Variants in MACROD2 observed in about 807,000 individuals in gnomAD.
MACROD2 encodes the protein mono-ADP ribosylhydrolase 2.
A neutral mutation model predicts 70.4 loss-of-function variants in MACROD2; 36 were observed. That is an observed-to-expected ratio of 0.51 (90% confidence interval 0.39 to 0.68). The LOEUF (loss-of-function observed/expected upper bound fraction) is 0.68, where lower values mean the gene tolerates loss of function less well. Among genes scored for constraint, MACROD2 ranks in the 30% least tolerant of loss-of-function variants. MACROD2 has a pLI of 0.00. For missense variants in MACROD2, 496 were observed against 538.4 expected (o/e 0.92, Z 0.78); for synonymous variants, 172 against 178.8 (o/e 0.96, Z 0.30).
chr20:14,191,303 A>G (rs988592529), intron 3 of MACROD2, among the ~76,000 whole-genome samples: 1 of 152,122 alleles, frequency 6.6e-6, no homozygotes, highest in Non-Finnish European at 1.5e-5. Flanking sequence ...TATCCAACAG[A>G]TTGATTCCAG....
chr20:14,328,819 C>T (rs1186812091), intron 3 of MACROD2: 1 of 152,098 alleles, frequency 6.6e-6, no homozygotes, highest in Non-Finnish European at 1.5e-5. Context: ...AGAAACAATT[C>T]TGCTTCCTGT....
intron 7 of MACROD2, among the ~76,000 whole-genome samples, chr20:15,483,991 T>G (rs886086007): frequency 6.6e-6 from 1 of 152,010 alleles, no homozygotes. Flanking sequence ...TAGACAATCA[T>G]GTCATCTATG....
chr20:15,354,435 G>A (rs1391466377), intron 6 of MACROD2, among the ~76,000 whole-genome samples: 1 of 152,074 alleles, frequency 6.6e-6, no homozygotes, highest in Non-Finnish European at 1.5e-5. Flanking sequence ...CACCAACATG[G>A]CACATGTATA....
chr20:15,586,312 T>C (rs1395030016), intron 8 of MACROD2, among the ~76,000 whole-genome samples: 1 of 152,216 alleles, frequency 6.6e-6, no homozygotes, highest in Non-Finnish European at 1.5e-5. Flanking sequence ...TCCCAAGTGA[T>C]GCTAATACTG....
intron 15 of MACROD2, among the ~76,000 whole-genome samples, chr20:16,034,907 G>A (rs904235632): frequency 2.0e-5 from 3 of 150,984 alleles, no homozygotes; most frequent in East Asian, 1.9e-4. Context: ...GAGAACATAC[G>A]ATCTTTGGTT....
chr20:14,028,116 G>A (rs929120678), intron 2 of MACROD2, among the ~76,000 whole-genome samples: 1 of 152,242 alleles, frequency 6.6e-6, no homozygotes, highest in Non-Finnish European at 1.5e-5. Flanking sequence ...CCTGCCCAGA[G>A]AGGAGGAATC....
intron 4 of MACROD2, among the ~76,000 whole-genome samples, chr20:14,664,451 T>C (rs1488619617): frequency 6.6e-6 from 1 of 152,130 alleles, no homozygotes; most frequent in African/African-American, 2.4e-5. Flanking sequence ...ATAATAACCA[T>C]TGGTTGCTTT....
intron 3 of MACROD2, among the ~76,000 whole-genome samples, chr20:14,393,701 A>G (rs1350941290): frequency 6.6e-6 from 1 of 152,144 alleles, no homozygotes; most frequent in Non-Finnish European, 1.5e-5. Context: ...ATCATGGCTT[A>G]GTCTCATTAT....
intron 10 of MACROD2, among the ~76,000 whole-genome samples, chr20:15,892,291 A>G (rs755417888): frequency 6.6e-6 from 1 of 152,168 alleles, no homozygotes; most frequent in Non-Finnish European, 1.5e-5. Context: ...ATTAACACCT[A>G]ATGAAGTGTT....
intron 8 of MACROD2, among the ~76,000 whole-genome samples, chr20:15,755,010 C>A (rs1329066956): frequency 6.6e-6 from 1 of 152,044 alleles, no homozygotes; most frequent in African/African-American, 2.4e-5. Flanking sequence ...AGGTGTGTAC[C>A]ACCACAGCCA....
intron 8 of MACROD2, among the ~76,000 whole-genome samples, chr20:15,592,937 A>G (rs1278397751): frequency 1.3e-5 from 2 of 152,144 alleles, no homozygotes; most frequent in African/African-American, 2.4e-5. Flanking sequence ...GGTGCACTTC[A>G]ATCTCGGTAG....
At chr20:15,610,989 A>ATTTTTTTTTTTT (rs1600665066) in intron 8 of MACROD2, among the ~76,000 whole-genome samples, 1 of 79,876 alleles carries the variant, frequency 1.3e-5, no homozygotes, top group African/African-American at 6.1e-5. Context: ...TTAGCCAAAA[A>ATTTTTTTTTTTT]TCTTTTTTTT....
intron 3 of MACROD2, among the ~76,000 whole-genome samples, chr20:14,391,214 A>T (rs1361107721): frequency 2.0e-5 from 3 of 152,242 alleles, no homozygotes; most frequent in Non-Finnish European, 4.4e-5. Flanking sequence ...AAAGACATGG[A>T]ATCAATCTAA....
chr20:16,035,130 T>A lies in MACROD2; in HGVS notation c.1154-6071T>A, dbSNP rs1294796368. ...ATATATAAAATATAATATAAAATAT[T>A]ATATATTATATATTATATATAAAAT... On this transcript the variant is annotated intron_variant, in intron 15 of 17. Transcript: ENST00000684519. 0.038 allele frequency among the ~76,000 whole-genome samples: 91 copies of A among 2,426 alleles called. 6 individuals are homozygous for A. In the East Asian group the frequency reaches 0.49, roughly 13 times the overall value. The allele number at this position is 2,426 out of a possible 152,430, so 1.6% of individuals were successfully genotyped here. A position where few individuals can be genotyped will look rare whatever the true frequency, so the allele number is the denominator to read the frequency against.
intron 6 of MACROD2, among the ~76,000 whole-genome samples, chr20:15,360,898 G>A (rs6043233): frequency 0.44 from 66,758 of 150,492 alleles, 14,874 homozygotes; most frequent in Non-Finnish European, 0.48. Flanking sequence ...CCATTTTCTA[G>A]TTGGACCATT....
intron 5 of MACROD2, among the ~76,000 whole-genome samples, chr20:14,991,714 A>T (rs897164299): frequency 6.6e-6 from 1 of 152,222 alleles, no homozygotes; most frequent in African/African-American, 2.4e-5. Flanking sequence ...TTGGGGGAAG[A>T]TGAAAGGGTA....
intron 5 of MACROD2, among the ~76,000 whole-genome samples, chr20:14,915,036 G>T (rs1257552597): frequency 6.6e-6 from 1 of 152,236 alleles, no homozygotes; most frequent in Non-Finnish European, 1.5e-5. Flanking sequence ...AGGCACACAT[G>T]GTTGGATTAA....
At chr20:15,527,888 A>G (rs2146540816) in intron 8 of MACROD2, among the ~76,000 whole-genome samples, 1 of 152,296 alleles carries the variant, frequency 6.6e-6, no homozygotes, top group South Asian at 2.1e-4. Flanking sequence ...CATAGCACTT[A>G]TCAACACTTG....
chr20:14,746,406 TG>T (rs1423631389), intron 5 of MACROD2, among the ~76,000 whole-genome samples: 1 of 152,172 alleles, frequency 6.6e-6, no homozygotes, highest in Admixed American at 6.5e-5. Flanking sequence ...TTTATTTTCT[TG>T]CCAAATAGTT....
Sources: allele counts gnomAD v4.1 joint callset (sites outside exome capture counted in the v4.1 genomes callset), GRCh38; gene constraint gnomAD v4.1.1; transcripts MANE v1.5; gene names NCBI Gene and HGNC (gene_info 2026-07-23, HGNC 2026-07-21).